Variants in MUC3A observed in about 807,000 individuals in gnomAD.
MUC3A encodes mucin 3A, cell surface associated, also known as mucin-3A.
MUC3A carries 109 observed loss-of-function variants against 109.0 expected under a neutral mutation model. The ratio of observed to expected loss-of-function variants is 1.00; its 90% CI spans 0.86 to 1.17. MUC3A has a LOEUF of 1.17. Among genes scored for constraint, MUC3A ranks in the 50% most tolerant of loss-of-function variants. The probability of loss-of-function intolerance (pLI) is 0.00; values close to 1 mark genes in which losing one functional copy is unlikely to be tolerated. For missense variants in MUC3A, 3,537 were observed against 2,469.4 expected (o/e 1.43, Z -9.16); for synonymous variants, 1,398 against 981.4 (o/e 1.42, Z -7.93).
intron 1 of MUC3A, among the ~76,000 whole-genome samples, chr7:100,949,924 T>TCCC (rs796490352): frequency 0.036 from 13 of 364 alleles, no homozygotes; most frequent in East Asian, 0.25. Flanking sequence ...GGGAGCTGGG[T>TCCC]CTCTGCCACT....
chr7:100,952,129 C>A lies in MUC3A; in HGVS notation c.350C>A (p.Pro117His). 6.3e-7 allele frequency: 1 copy of A among 1,598,550 alleles called. No individual in the cohort carries two copies. Among genetic ancestry groups the A allele is most frequent in the Non-Finnish European group, 8.5e-7 (1 of 1,179,760 alleles). Residue 117 changes from proline to histidine, a missense_variant, in exon 2 of 12, where the codon CCC (proline) becomes CAC (histidine). Coordinates refer to ENST00000379458, the MANE Select transcript of MUC3A (RefSeq NM_005960.2). ...KFAFKVETTP[P>H]TVLVYSATTE... ...GCCTTCAAGGTTGAAACCACTCCAC[C>A]CACCGTGTTGGTCTATTCAGCCACC...
rs1298146112 is a variant in MUC3A at position 100,967,186 on chromosome 7, C to T, written c.*24C>T. On this transcript the variant is annotated 3_prime_UTR_variant, in exon 12 of 12. Transcript: ENST00000379458. ...GAGCCCTGCGGGGCCCCTTCACCAC[C>T]CCCTCCGCCCTGCCCCGGACACAAG... 1 of 1,598,500 alleles carries T rather than the reference C, an allele frequency of 6.3e-7. No homozygotes were observed. The highest frequency in any genetic ancestry group is 1.1e-5 in the South Asian group (1 of 91,082).
rs775758272 is a variant in MUC3A, at chr7:100,965,811, G to A, written c.9556G>A (p.Ala3186Thr). The change falls in exon 8 of 12, where the codon GCC (alanine) becomes ACC (threonine). Residue 3186 changes from alanine to threonine, a missense_variant. Ala to Thr is a moderately conservative substitution (Grantham distance 58). Transcript: ENST00000379458. ...CAAATGCACGTCGGGGGTGGACAAC[G>A]CCATCGACTGTCACCAGGGCCAGTG... is the stretch of plus-strand genomic sequence containing the variant. ...VTKCTSGVDN[A>T]IDCHQGQCVL... 2.5e-6 allele frequency: 4 copies of A among 1,597,424 alleles called. No individual in the cohort carries two copies. The African/African-American group carries it at 4.0e-5, about 16-fold the overall frequency.
At position 100,954,823 on chromosome 7, in the gene MUC3A, C is replaced by T. The variant is rs1792058555; in HGVS notation, c.3044C>T (p.Thr1015Ile). ...TSPPPVSSSI[T>I]PTNTMTSMRT... ...CCTCCCCCCGTCAGTTCTTCAATCA[C>T]TCCCACCAATACAATGACTTCTATG... The change falls in exon 2 of 12, where the codon ACT becomes ATT. Residue 1015 changes from threonine (T) to isoleucine (I), a missense_variant. Coordinates refer to ENST00000379458, the MANE Select transcript of MUC3A (RefSeq NM_005960.2). 7.4e-6 allele frequency: 3 copies of T among 407,436 alleles called. No individual in the cohort carries two copies. The highest frequency in any genetic ancestry group is 8.6e-6 in the Non-Finnish European group (2 of 232,010). 25.2% of individuals were successfully genotyped at this position (407,436 alleles called of 1,614,324 possible).
In MUC3A at chr7:100,967,048, G is replaced by C; in HGVS notation, c.9931-73G>C. The C allele has an allele frequency of 1.9e-6, 3 of 1,598,446 alleles. No individual in the cohort carries two copies. In the South Asian group the frequency reaches 3.3e-5, roughly 18 times the overall value. ...CCAGGGCAGGGAGGGGGCTGGGCTC[G>C]GATCAGCAGTGACCTCCCTGTCAGC... On this transcript the variant is annotated intron_variant, in intron 11 of 11. Transcript: ENST00000379458.
chr7:100,966,247 C>T (rs2116227871), intron 8 of MUC3A, 139 bp from the exon 9 acceptor site: 1 of 1,048,992 alleles, frequency 9.5e-7, no homozygotes, highest in African/African-American at 1.7e-5. Flanking sequence ...GGGTGGATTC[C>T]CAGCCCCTTG....
chr7:100,958,462 C>G lies in MUC3A; in HGVS notation c.6683C>G (p.Thr2228Ser), dbSNP rs1792164464. ...STPSFSSSIT[T>S]TETTSHSTPG... Reference sequence around the variant, plus strand: ...CCCAGCTTCAGTTCTTCGATCACCACCACTGAGACCACATCCCACAGTACT... The same window carrying G: ...CCCAGCTTCAGTTCTTCGATCACCAGCACTGAGACCACATCCCACAGTACT... Residue 2228 changes from threonine (T) to serine (S), a missense_variant, in exon 2 of 12, where the codon ACC (threonine) becomes AGC (serine). Physicochemically the swap from Thr to Ser is moderately conservative, Grantham distance 58. Transcript: ENST00000379458. The G allele has an allele frequency of 3.2e-6, 4 of 1,256,382 alleles. No individual in the cohort carries two copies. The highest frequency in any genetic ancestry group is 5.0e-5 in the African/African-American group (2 of 40,060). 77.8% of individuals were successfully genotyped at this position (1,256,382 alleles called of 1,614,324 possible).
Position 100,967,203 on chromosome 7 carries a change from G to T in MUC3A, c.*41G>T. ...TTCACCACCCCCTCCGCCCTGCCCCGGACACAAGGGTCTGCATTGCGTCCA... is the reference window on the plus strand; with the variant it reads ...TTCACCACCCCCTCCGCCCTGCCCCTGACACAAGGGTCTGCATTGCGTCCA... On this transcript the variant is annotated 3_prime_UTR_variant, in exon 12 of 12. Transcript: ENST00000379458. The T allele has an allele frequency of 6.3e-7, 1 of 1,597,936 alleles. No individual in the cohort carries two copies. The highest frequency in any genetic ancestry group is 1.3e-5 in the African/African-American group (1 of 75,072).
Position 100,952,422 on chromosome 7 carries a change from T to G in MUC3A, c.643T>G (p.Phe215Val). ...CTCTGTGTCAGCCACAGACACAACC[T>G]TCCACACTACAATCTCGTCTACAAC... is the stretch of plus-strand genomic sequence containing the variant. Reference protein sequence around the residue: ...PSSVSATDTTFHTTISSTTRT... With the variant: ...PSSVSATDTTVHTTISSTTRT... Residue 215 changes from phenylalanine to valine, a missense_variant, in exon 2 of 12, where the codon TTC (phenylalanine) becomes GTC (valine). By Grantham distance (50) the Phe-to-Val change is conservative (BLOSUM62 -1). Coordinates refer to ENST00000379458, the MANE Select transcript of MUC3A (RefSeq NM_005960.2). 1 of 1,598,604 alleles carries G rather than the reference T, an allele frequency of 6.3e-7. No individual in the cohort carries two copies. The highest frequency in any genetic ancestry group is 1.1e-5 in the South Asian group (1 of 91,092).
intron 1 of MUC3A, 46 bp downstream of exon 1, chr7:100,949,731 GATGTTCC>G (rs1475165594): frequency 4.1e-6 from 6 of 1,463,108 alleles, no homozygotes; most frequent in Middle Eastern, 1.9e-4. Flanking sequence ...CTCCTGATGT[GATGTTCC>G]AGGAAAGGGG....
Position 100,963,176 on chromosome 7 carries a change from G to A in MUC3A, c.9078G>A (p.Met3026Ile), listed in dbSNP as rs182871345. The A allele has an allele frequency of 2.7e-5, 43 of 1,591,230 alleles. No individual in the cohort carries two copies. The East Asian group carries it at 7.4e-4, about 27-fold the overall frequency. Reference sequence around the variant, plus strand: ...ATGTAGTGGAGACCGAGGTGGGCATGGAAGTGTCTGTGGATCAGCAGTTCT... The same window carrying A: ...ATGTAGTGGAGACCGAGGTGGGCATAGAAGTGTCTGTGGATCAGCAGTTCT... ...DLDVVETEVG[M>I]EVSVDQQFSP... Residue 3026 changes from methionine to isoleucine, a missense_variant, in exon 4 of 12, where the codon ATG (methionine) becomes ATA (isoleucine). Met to Ile is a conservative substitution (Grantham distance 10, BLOSUM62 1). Transcript: ENST00000379458.
Position 100,958,568 on chromosome 7 carries a change from T to G in MUC3A, c.6789T>G (p.Thr2263=), listed in dbSNP as rs77302959. 143 of 553,358 alleles carry G rather than the reference T, an allele frequency of 2.6e-4. No homozygotes were observed. The Admixed American group carries it at 3.4e-3, about 13-fold the overall frequency. 34.3% of individuals were successfully genotyped at this position (553,358 alleles called of 1,614,324 possible). A position where few individuals can be genotyped will look rare whatever the true frequency, so the allele number is the denominator to read the frequency against. The change falls in exon 2 of 12, where the codon ACT becomes ACG. Residue 2263 remains threonine, a synonymous_variant. Transcript: ENST00000379458. ...GCTTCACTTCTTCGATCACCACCAC[T>G]GAGACCACCTCACATGATACTCCCA... ...TPSFTSSITT[T]ETTSHDTPSF...
rs370107371 is a variant in MUC3A, at chr7:100,959,228, C to G, written c.7449C>G (p.Asp2483Glu). 1 of 1,598,222 alleles carries G rather than the reference C, an allele frequency of 6.3e-7. No individual in the cohort carries two copies. The highest frequency in any genetic ancestry group is 2.2e-5 in the East Asian group (1 of 44,902). The part of the protein sequence containing the change: ...TPVTPSSLST[D>E]IPTTSLRTLT... ...TAACCCCATCTTCTCTGAGTACAGA[C>G]ATCCCGACCACAAGCCTACGAACTC... is the stretch of plus-strand genomic sequence containing the variant. The change falls in exon 2 of 12, where the codon GAC becomes GAG. Residue 2483 changes from aspartate to glutamate, a missense_variant. Asp to Glu is a conservative substitution (Grantham distance 45). Coordinates refer to ENST00000379458, the MANE Select transcript of MUC3A (RefSeq NM_005960.2).
Position 100,957,923 on chromosome 7 carries a change from C to G in MUC3A, c.6144C>G (p.Thr2048=). Residue 2048 remains threonine, a synonymous_variant, in exon 2 of 12, where the codon ACC becomes ACG. Coordinates refer to ENST00000379458, the MANE Select transcript of MUC3A (RefSeq NM_005960.2). The part of the protein sequence containing the change: ...HSTPSFTSSI[T]TETTSHSTPS... ...CTCCCAGCTTCACTTCTTCGATCAC[C>G]ACCGAGACCACATCCCACAGTACTC... The G allele has an allele frequency of 1.5e-6, 1 of 662,032 alleles. No homozygotes were observed. The highest frequency in any genetic ancestry group is 1.4e-5 in the South Asian group (1 of 70,742). 41.0% of individuals were successfully genotyped at this position (662,032 alleles called of 1,614,324 possible).
At chr7:100,966,845 C>G (rs1010110335) in intron 10 of MUC3A, 54 bp from the exon 11 acceptor site, 2 of 1,598,370 alleles carry the variant, frequency 1.3e-6, no homozygotes, top group Non-Finnish European at 1.7e-6. Flanking sequence ...GTCCCCCTCT[C>G]CCTTCCGTCC....
At position 100,960,372 on chromosome 7, in the gene MUC3A, C is replaced by G. The variant is rs567421069; in HGVS notation, c.8593C>G (p.Arg2865Gly). The G allele has an allele frequency of 6.3e-7, 1 of 1,598,540 alleles. No individual in the cohort carries two copies. The highest frequency in any genetic ancestry group is 1.1e-5 in the South Asian group (1 of 91,090). The stretch of plus-strand genomic sequence containing the variant: ...CACAAACACAGTTTTCACAAGTACT[C>G]GACTGCCCACCAGTGAGACCTGGCT... Reference protein sequence around the residue: ...VPTNTVFTSTRLPTSETWLSN... With the variant: ...VPTNTVFTSTGLPTSETWLSN... The change falls in exon 2 of 12, where the codon CGA becomes GGA. Residue 2865 changes from arginine to glycine, a missense_variant. Arg to Gly is a moderately radical substitution (Grantham distance 125). Transcript: ENST00000379458.
chr7:100,949,558 G>T lies in MUC3A; in HGVS notation c.-67G>T. The T allele has an allele frequency of 1.8e-6, 2 of 1,139,536 alleles. No individual in the cohort carries two copies. The highest frequency in any genetic ancestry group is 7.7e-5 in the African/African-American group (2 of 26,020). 70.6% of individuals were successfully genotyped at this position (1,139,536 alleles called of 1,614,324 possible). A position where few individuals can be genotyped will look rare whatever the true frequency, so the allele number is the denominator to read the frequency against. On this transcript the variant is annotated 5_prime_UTR_variant, in exon 1 of 12. Coordinates refer to ENST00000379458, the MANE Select transcript of MUC3A (RefSeq NM_005960.2). ...CACTTTCATTACGTGCACGCCCCAGGGCCACGTCCCTGCCGCTGTCTTGGT... is the reference window on the plus strand; with the variant it reads ...CACTTTCATTACGTGCACGCCCCAGTGCCACGTCCCTGCCGCTGTCTTGGT...
At chr7:100,961,026 C>T in intron 3 of MUC3A, 89 bp downstream of exon 3, 2 of 1,585,650 alleles carry the variant, frequency 1.3e-6, no homozygotes, top group Non-Finnish European at 1.7e-6. Context: ...GGCCTGGAGG[C>T]ACCCATGCCT....
intron 1 of MUC3A, among the ~76,000 whole-genome samples, chr7:100,951,025 T>C (rs1791922900): frequency 6.6e-6 from 1 of 152,090 alleles, no homozygotes; most frequent in South Asian, 2.1e-4. Context: ...TTTGTTTTTG[T>C]TTTTGATGGA....
Sources: allele counts gnomAD v4.1 joint callset (sites outside exome capture counted in the v4.1 genomes callset), GRCh38; gene constraint gnomAD v4.1.1; transcripts MANE v1.5; gene names NCBI Gene and HGNC (gene_info 2026-07-23, HGNC 2026-07-21).